The following PRTG variants were observed in gnomAD, a reference collection of about 807,000 sequenced individuals.
PRTG encodes immunoglobulin superfamily, DCC subclass, member 5.
PRTG carries 67 observed loss-of-function variants against 122.5 expected under a neutral mutation model. The observed-to-expected ratio is 0.55, with a 90% confidence interval of 0.45 to 0.67. The LOEUF is 0.67. Ranked by LOEUF, PRTG falls within the 30% of genes least tolerant of loss-of-function variation. The pLI is 0.00. For synonymous variants in PRTG, 554 were observed against 501.1 expected (o/e 1.11, Z -1.41); for missense variants, 1,435 against 1,415.4 (o/e 1.01, Z -0.22).
At chr15:55,692,875 CTG>C (rs2059611959) in intron 2 of PRTG, among the ~76,000 whole-genome samples, 1 of 119,240 alleles carries the variant, frequency 8.4e-6, no homozygotes, top group South Asian at 2.9e-4. Flanking sequence ...GAGGCTCACT[CTG>C]TTGCCCAGGC....
In PRTG at chr15:55,641,169, T is replaced by C. The variant is rs748171456; in HGVS notation, c.2081A>G (p.Asn694Ser). The part of the protein sequence containing the change: ...RKYHVRLLAY[N>S]NIDDGYQADQ... ...TGCCTGATAGCCATCGTCTATGTTG[T>C]TGTAAGCCAGGAGTCTCACATGATA... The change falls in exon 12 of 20, where the codon AAC (asparagine) becomes AGC (serine). Residue 694 changes from asparagine (N) to serine (S), a missense_variant. Physicochemically the swap from Asn to Ser is conservative, Grantham distance 46. Coordinates refer to ENST00000389286, the MANE Select transcript of PRTG (RefSeq NM_173814.6). 4 of 1,613,932 alleles carry C rather than the reference T, an allele frequency of 2.5e-6. No individual in the cohort carries two copies. Among genetic ancestry groups the C allele is most frequent in the East Asian group, 4.5e-5 (2 of 44,890 alleles).
At chr15:55,661,351 A>G (rs1305397441) in intron 11 of PRTG, among the ~76,000 whole-genome samples, 1 of 152,202 alleles carries the variant, frequency 6.6e-6, no homozygotes, top group Non-Finnish European at 1.5e-5. Context: ...ATTTCACCTT[A>G]TAAACTGATT....
At chr15:55,694,290 G>A (rs2059620509) in intron 2 of PRTG, among the ~76,000 whole-genome samples, 4 of 151,908 alleles carry the variant, frequency 2.6e-5, no homozygotes, top group African/African-American at 4.8e-5. Context: ...TATATATGCC[G>A]CTATGGGGCA....
intron 18 of PRTG, 27 bp from the exon 19 acceptor site, chr15:55,620,794 A>G (rs764497845): frequency 1.9e-6 from 3 of 1,556,744 alleles, no homozygotes; most frequent in Non-Finnish European, 2.6e-6. Flanking sequence ...GGGGAAATGT[A>G]AAATATCCTG....
chr15:55,697,846 G>C (rs780718563), intron 2 of PRTG, among the ~76,000 whole-genome samples: 38 of 152,222 alleles, frequency 2.5e-4, no homozygotes, highest in Middle Eastern at 6.8e-3. Flanking sequence ...GGACTTAAAA[G>C]GGTTATTATG....
chr15:55,627,397 CA>C (rs1439323202), intron 16 of PRTG, among the ~76,000 whole-genome samples: 3 of 149,796 alleles, frequency 2.0e-5, no homozygotes, highest in Non-Finnish European at 4.4e-5. Context: ...AATCTCAGCT[CA>C]CTGCAAGCTC....
chr15:55,740,355 T>C (rs761835288), intron 2 of PRTG, 27 bp downstream of exon 2: 7 of 1,547,532 alleles, frequency 4.5e-6, no homozygotes, highest in South Asian at 1.2e-5. Context: ...ATGAAAAATG[T>C]CAACAACTAA....
chr15:55,637,791 G>C (rs1330437421), intron 14 of PRTG, among the ~76,000 whole-genome samples: 1 of 152,018 alleles, frequency 6.6e-6, no homozygotes, highest in Non-Finnish European at 1.5e-5. Flanking sequence ...GAAAAATTGT[G>C]AATCAGTGAA....
In PRTG at chr15:55,680,565, G is replaced by A. The variant is rs1187504391; in HGVS notation, c.740C>T (p.Ser247Phe). The A allele has an allele frequency of 2.0e-5, 32 of 1,601,520 alleles. No individual in the cohort carries two copies. The highest frequency in any genetic ancestry group is 2.6e-5 in the Non-Finnish European group (31 of 1,173,348). The change falls in exon 5 of 20, where the codon TCT (serine) becomes TTT (phenylalanine). Residue 247 changes from serine to phenylalanine, a missense_variant. Ser to Phe is a radical substitution (Grantham distance 155). Transcript: ENST00000389286. ...TTCCAAAACTACAGTCTGATGAAGA[G>A]ATGTTGTTATGTTCTGTGGACCTGC... Reference protein sequence around the residue: ...IIAGPQNITTSLHQTVVLECM... With the variant: ...IIAGPQNITTFLHQTVVLECM...
chr15:55,686,594 A>G (rs1295722678), intron 2 of PRTG, among the ~76,000 whole-genome samples: 1 of 152,148 alleles, frequency 6.6e-6, no homozygotes, highest in East Asian at 1.9e-4. Flanking sequence ...TCCTGTCTAG[A>G]TGTCTTTCTG....
At chr15:55,683,961 T>A (rs369349052) in intron 2 of PRTG, 30 bp from the exon 3 acceptor site, 9 of 1,592,556 alleles carry the variant, frequency 5.7e-6, no homozygotes, top group Non-Finnish European at 7.7e-6. Flanking sequence ...AAATTCAGAA[T>A]AAGTGCATGA....
chr15:55,624,050 C>T (rs932654119), intron 18 of PRTG, among the ~76,000 whole-genome samples: 7 of 152,068 alleles, frequency 4.6e-5, no homozygotes, highest in Non-Finnish European at 8.8e-5. Flanking sequence ...TTGGTTAAAA[C>T]AACTTCACTC....
Position 55,742,912 on chromosome 15 carries a change from G to C in PRTG, c.20C>G (p.Pro7Arg), listed in dbSNP as rs1458696723. 2 of 1,526,262 alleles carry C rather than the reference G, an allele frequency of 1.3e-6. No homozygotes were observed. Among genetic ancestry groups the C allele is most frequent in the African/African-American group, 2.9e-5 (2 of 69,614 alleles). 94.5% of individuals were successfully genotyped at this position (1,526,262 alleles called of 1,614,324 possible). A position where few individuals can be genotyped will look rare whatever the true frequency, so the allele number is the denominator to read the frequency against. Residue 7 changes from proline to arginine, a missense_variant, in exon 1 of 20, where the codon CCC becomes CGC. Coordinates refer to ENST00000389286, the MANE Select transcript of PRTG (RefSeq NM_173814.6). ...CCCCGGCGGTCGCAGCCGGGCGAGG[G>C]GTCGCAGAGGAGGCGCCATTCAGCG... MAPPLR[P>R]LARLRPPGML...
At chr15:55,741,786 G>A (rs2031617480) in intron 1 of PRTG, among the ~76,000 whole-genome samples, 2 of 152,182 alleles carry the variant, frequency 1.3e-5, no homozygotes, top group Admixed American at 1.3e-4. Flanking sequence ...TGTATGCCCA[G>A]GGCGACGCGA....
At chr15:55,722,874 AT>A (rs1297647199) in intron 2 of PRTG, among the ~76,000 whole-genome samples, 2 of 152,170 alleles carry the variant, frequency 1.3e-5, no homozygotes, top group Non-Finnish European at 2.9e-5. Context: ...AGAAGTAGTG[AT>A]TTTGTTCCAT....
intron 11 of PRTG, among the ~76,000 whole-genome samples, chr15:55,670,946 C>T (rs1489426806): frequency 1.3e-5 from 1 of 75,794 alleles, no homozygotes; most frequent in African/African-American, 4.3e-5. Flanking sequence ...CACACACACA[C>T]ACACACACTT....
Position 55,619,869 on chromosome 15 carries a change from G to A in PRTG, c.*143C>T. 7.0e-7 allele frequency: 1 copy of A among 1,419,796 alleles called. No homozygotes were observed. Among genetic ancestry groups the A allele is most frequent in the Non-Finnish European group, 9.5e-7 (1 of 1,057,552 alleles). The allele number at this position is 1,419,796 out of a possible 1,614,324, so 87.9% of individuals were successfully genotyped here. A position where few individuals can be genotyped will look rare whatever the true frequency, so the allele number is the denominator to read the frequency against. On this transcript the variant is annotated 3_prime_UTR_variant, in exon 20 of 20. Transcript: ENST00000389286. ...TACCTGAGCATGGCCGTCTAGATTGGAAAATCATTTTTATCAAAGCATAGC... is the reference window on the plus strand; with the variant it reads ...TACCTGAGCATGGCCGTCTAGATTGAAAAATCATTTTTATCAAAGCATAGC...
chr15:55,707,558 GAATAA>G (rs1357476302), intron 2 of PRTG, among the ~76,000 whole-genome samples: 1 of 152,096 alleles, frequency 6.6e-6, no homozygotes, highest in Non-Finnish European at 1.5e-5. Flanking sequence ...TCACTCAAAA[GAATAA>G]AAGAAGAGAA....
chr15:55,678,407 T>C (rs1230123897), intron 7 of PRTG, among the ~76,000 whole-genome samples: 1 of 152,134 alleles, frequency 6.6e-6, no homozygotes, highest in Admixed American at 6.6e-5. Flanking sequence ...GTGTAGTTTT[T>C]AAACTTTTTG....
Sources: gnomAD v4.1 joint callset for allele counts (sites outside exome capture counted in the v4.1 genomes callset) on GRCh38, gnomAD v4.1.1 for gene constraint, MANE v1.5 for transcripts, NCBI Gene and HGNC (gene_info 2026-07-23, HGNC 2026-07-21) for gene names.